The following SCN7A variants were observed in gnomAD, a reference collection of about 807,000 sequenced individuals.
The protein encoded by SCN7A is sodium channel protein type 7 subunit alpha.
Under a neutral mutation model 155.2 loss-of-function variants are expected in SCN7A, and 138 were observed. The observed-to-expected ratio is 0.89, with a 90% CI of 0.77 to 1.02. The LOEUF is 1.02. Among genes scored for constraint, SCN7A ranks in the 50% least tolerant of loss-of-function variants. SCN7A has a pLI of 0.00. For synonymous variants in SCN7A, 693 were observed against 649.0 expected (o/e 1.07, Z -1.03); for missense variants, 2,058 against 1,986.6 (o/e 1.04, Z -0.68).
intron 15 of SCN7A, among the ~76,000 whole-genome samples, chr2:166,439,040 T>C (rs1701897710): frequency 1.4e-5 from 1 of 71,492 alleles, no homozygotes. Context: ...CACATACATA[T>C]ATGTGTGTGT....
At chr2:166,453,189 T>G (rs1230991063) in intron 11 of SCN7A, among the ~76,000 whole-genome samples, 3 of 152,182 alleles carry the variant, frequency 2.0e-5, no homozygotes, top group Non-Finnish European at 4.4e-5. Context: ...ATGTGAAATA[T>G]TGAGATAATT....
At chr2:166,414,232 A>T (rs1281140545) in intron 21 of SCN7A, among the ~76,000 whole-genome samples, 1 of 80,202 alleles carries the variant, frequency 1.2e-5, no homozygotes. Flanking sequence ...AAATATATAT[A>T]TCTATATATG....
At chr2:166,480,024 C>G (rs1702884578) in intron 2 of SCN7A, among the ~76,000 whole-genome samples, 1 of 152,132 alleles carries the variant, frequency 6.6e-6, no homozygotes, top group Admixed American at 6.5e-5. Context: ...CATATGCACA[C>G]ATATACAAAC....
In SCN7A at chr2:166,406,636, C is replaced by T. The variant is rs148363076; in HGVS notation, c.3993G>A (p.Leu1331=). The T allele has an allele frequency of 2.5e-6, 4 of 1,601,606 alleles. No homozygotes were observed. Among genetic ancestry groups the T allele is most frequent in the Admixed American group, 3.4e-5 (2 of 58,910 alleles). Residue 1331 remains leucine, a synonymous_variant, in exon 26 of 26, where the codon CTG becomes CTA. Transcript: ENST00000643258. ...CAAGGTAGGATCCTACTGTCATAGG[C>T]AGACATAGTCCTGGGGGTGGGAAAG... ...VVIFSITGLC[L]PMTVGSYLVP... is the part of the protein sequence containing the mutation.
At position 166,405,729 on chromosome 2, in the gene SCN7A, G is replaced by A. The variant is rs760298429; in HGVS notation, c.4900C>T (p.Arg1634Cys). Residue 1634 changes from arginine to cysteine, a missense_variant, in exon 26 of 26, where the codon CGT (arginine) becomes TGT (cysteine). Physicochemically the swap from Arg to Cys is radical, Grantham distance 180. Transcript: ENST00000643258. The stretch of plus-strand genomic sequence containing the variant: ...CTCAAGCGGTAATTTTTATAAGCAC[G>A]TTGAATGATGGTTGCTGAAACTGCC... ...QEAVSATIIQ[R>C]AYKNYRLRRN... The A allele has an allele frequency of 3.7e-6, 6 of 1,612,900 alleles. No individual in the cohort carries two copies. The highest frequency in any genetic ancestry group is 1.7e-5 in the Admixed American group (1 of 59,872).
intron 11 of SCN7A, 31 bp from the exon 12 acceptor site, chr2:166,447,739 C>T (rs1285331168): frequency 6.6e-7 from 1 of 1,505,864 alleles, no homozygotes. Flanking sequence ...TTAATACTGG[C>T]TTCCTGTCTT....
rs6738031 is a variant in SCN7A at position 166,423,412 on chromosome 2, C to T, written c.2874G>A (p.Met958Ile). 27 of 1,577,502 alleles carry T rather than the reference C, an allele frequency of 1.7e-5. No individual in the cohort carries two copies. The highest frequency in any genetic ancestry group is 2.3e-5 in the East Asian group (1 of 43,766). Residue 958 changes from methionine (M) to isoleucine (I), a missense_variant, in exon 19 of 26, where the codon ATG (methionine) becomes ATA (isoleucine). By Grantham distance (10) the Met-to-Ile change is conservative. Coordinates refer to ENST00000643258, the MANE Select transcript of SCN7A (RefSeq NM_002976.4). ...TGTLAFEDIYMDQRKTIKILL... is the reference protein window; with the variant it reads ...TGTLAFEDIYIDQRKTIKILL... Reference sequence around the variant, plus strand: ...AAATTTTAATTGTCTTTCTCTGATCCATATATATATCTTCAAAAGCCTGTG... The same window carrying T: ...AAATTTTAATTGTCTTTCTCTGATCTATATATATATCTTCAAAAGCCTGTG...
At chr2:166,492,866 A>G (rs1345951947) in intron 1 of SCN7A, among the ~76,000 whole-genome samples, 2 of 152,214 alleles carry the variant, frequency 1.3e-5, no homozygotes, top group Non-Finnish European at 2.9e-5. Context: ...TGTCATTTAT[A>G]AATAAAGAAA....
intron 20 of SCN7A, among the ~76,000 whole-genome samples, chr2:166,419,743 G>A (rs1434534243): frequency 1.3e-5 from 2 of 152,002 alleles, no homozygotes; most frequent in Non-Finnish European, 1.5e-5. Flanking sequence ...CCTTATTTTG[G>A]TTTAAAAGCA....
At chr2:166,415,434 A>G (rs1466873337) in intron 21 of SCN7A, among the ~76,000 whole-genome samples, 1 of 151,924 alleles carries the variant, frequency 6.6e-6, no homozygotes, top group East Asian at 1.9e-4. Context: ...CATGTTGGCT[A>G]GGACGGTCTT....
chr2:166,430,637 A>G (rs1319566813), intron 16 of SCN7A, among the ~76,000 whole-genome samples: 1 of 151,956 alleles, frequency 6.6e-6, no homozygotes, highest in African/African-American at 2.4e-5. Flanking sequence ...TTATTTTGAT[A>G]AAAGATTATT....
chr2:166,425,295 A>G (rs191590560), intron 18 of SCN7A, among the ~76,000 whole-genome samples: 37 of 152,242 alleles, frequency 2.4e-4, no homozygotes, highest in African/African-American at 8.7e-4. Flanking sequence ...TGGCCTGGGA[A>G]GTACTAAGAC....
At chr2:166,412,251 A>G (rs1261370909) in intron 23 of SCN7A, among the ~76,000 whole-genome samples, 1 of 152,024 alleles carries the variant, frequency 6.6e-6, no homozygotes, top group Non-Finnish European at 1.5e-5. Flanking sequence ...TACAGTATTT[A>G]TTTTTCAGCC....
chr2:166,492,845 A>C (rs1683142642), intron 1 of SCN7A, among the ~76,000 whole-genome samples: 1 of 152,188 alleles, frequency 6.6e-6, no homozygotes, highest in Non-Finnish European at 1.5e-5. Context: ...TTTTGTCAGG[A>C]CTTTTTGGAG....
rs1215225320 is a variant in SCN7A, at chr2:166,410,261, G to A, written c.3670C>T (p.Leu1224=). ...GGTCTTTGAGAATCCTCATACATTAGCTTCTTCAGCCTGCGGTACTGTTTT... is the reference window on the plus strand; with the variant it reads ...GGTCTTTGAGAATCCTCATACATTAACTTCTTCAGCCTGCGGTACTGTTTT... ...QRKQYRRLKK[L]MYEDSQRPVP... The change falls in exon 24 of 26, where the codon CTA becomes TTA. Residue 1224 remains leucine, a synonymous_variant. Transcript: ENST00000643258. 1 of 1,556,592 alleles carries A rather than the reference G, an allele frequency of 6.4e-7. No individual in the cohort carries two copies. Among genetic ancestry groups the A allele is most frequent in the East Asian group, 2.4e-5 (1 of 41,888 alleles).
chr2:166,443,166 C>T (rs1251159602), intron 14 of SCN7A, among the ~76,000 whole-genome samples: 2 of 152,156 alleles, frequency 1.3e-5, no homozygotes, highest in Non-Finnish European at 2.9e-5. Context: ...GAAATACTCA[C>T]CTTATTTCGG....
At chr2:166,472,662 G>A (rs542314650) in intron 5 of SCN7A, among the ~76,000 whole-genome samples, 2 of 151,936 alleles carry the variant, frequency 1.3e-5, no homozygotes, top group African/African-American at 4.8e-5. Flanking sequence ...GCTTTAAACA[G>A]AATTTAAAGC....
chr2:166,413,450 G>T (rs1325192374), intron 21 of SCN7A, among the ~76,000 whole-genome samples: 1 of 152,044 alleles, frequency 6.6e-6, no homozygotes, highest in African/African-American at 2.4e-5. Flanking sequence ...TTCTGTGAGA[G>T]ACATAAGAGG....
chr2:166,451,211 C>A (rs912964143), intron 11 of SCN7A, among the ~76,000 whole-genome samples: 1 of 152,126 alleles, frequency 6.6e-6, no homozygotes, highest in Non-Finnish European at 1.5e-5. Context: ...GTGCTCAATT[C>A]TCTACTAATT....
Sources: allele counts gnomAD v4.1 joint callset (sites outside exome capture counted in the v4.1 genomes callset), GRCh38; gene constraint gnomAD v4.1.1; transcripts MANE v1.5; gene names NCBI Gene and HGNC (gene_info 2026-07-23, HGNC 2026-07-21).